The following KRTDAP variants were observed in gnomAD, a reference collection of about 807,000 sequenced individuals.
KRTDAP encodes keratinocyte differentiation associated protein.
Under a neutral mutation model 18.6 loss-of-function variants are expected in KRTDAP, and 14 were observed. That is an observed-to-expected ratio of 0.75 (90% confidence interval 0.50 to 1.18). The LOEUF (loss-of-function observed/expected upper bound fraction) is 1.18, where lower values mean the gene tolerates loss of function less well. KRTDAP is among the 50% of genes most tolerant of loss of function. The pLI is 0.00. For synonymous variants in KRTDAP, 53 were observed against 49.5 expected, an observed-to-expected ratio of 1.07 and a Z score of -0.29; for missense variants, 114 against 121.3, an observed-to-expected ratio of 0.94 and a Z score of 0.28.
At chr19:35,487,605 G>A in intron 5 of KRTDAP, 107 bp downstream of exon 5, 1 of 1,177,114 alleles carries the variant, frequency 8.5e-7, no homozygotes, top group Non-Finnish European at 1.3e-6. Flanking sequence ...CCTTCAGTTT[G>A]GTGAGAAGGC....
In KRTDAP at chr19:35,487,432, T is replaced by G. The variant is rs1333411361; in HGVS notation, c.296A>C (p.Gln99Pro). The G allele has an allele frequency of 6.2e-7, 1 of 1,614,116 alleles. No individual in the cohort carries two copies. Among genetic ancestry groups the G allele is most frequent in the Admixed American group, 1.7e-5 (1 of 60,016 alleles). The change falls in exon 6 of 6, where the codon CAG becomes CCG. Residue 99 changes from glutamine (Q) to proline (P), a missense_variant. Physicochemically the swap from Gln to Pro is moderately conservative, Grantham distance 76 (BLOSUM62 -1). Coordinates refer to ENST00000338897, the MANE Select transcript of KRTDAP (RefSeq NM_207392.3). Reference protein sequence around the residue: ...KGLRSATPDAQ With the variant: ...KGLRSATPDAP The stretch of plus-strand genomic sequence containing the variant: ...CTCTTCCAGTGGAGGTCATGGTCAC[T>G]GGGCATCAGGAGTTGCGCTCCTCAG...
rs2067503071 is a variant in KRTDAP, at chr19:35,488,315, A to G, written c.213+126T>C. On this transcript the variant is annotated intron_variant, in intron 4 of 5. Coordinates refer to ENST00000338897, the MANE Select transcript of KRTDAP (RefSeq NM_207392.3). ...GTTGACAGCCCATTGGGCAGCATCC[A>G]GGCAGGACAGTCACTCCCTCCCAGA... 4.1e-6 allele frequency: 4 copies of G among 966,298 alleles called. No individual in the cohort carries two copies. In the East Asian group the frequency reaches 1.0e-4, roughly 25 times the overall value. The allele number at this position is 966,298 out of a possible 1,614,324, so 59.9% of individuals were successfully genotyped here. A position where few individuals can be genotyped will look rare whatever the true frequency, so the allele number is the denominator to read the frequency against.
At chr19:35,488,632 G>A (rs2067505284) in intron 3 of KRTDAP, 30 bp downstream of exon 3, 9 of 1,613,980 alleles carry the variant, frequency 5.6e-6, no homozygotes, top group South Asian at 3.3e-5. Flanking sequence ...GAGGGTATTC[G>A]TGGGGGTAGC....
intron 1 of KRTDAP, among the ~76,000 whole-genome samples, chr19:35,489,996 T>C (rs1287974088): frequency 6.6e-6 from 1 of 152,126 alleles, no homozygotes; most frequent in Non-Finnish European, 1.5e-5. Flanking sequence ...CGTTCTCCAG[T>C]TCCCCCTCTT....
At chr19:35,490,228 C>T in intron 1 of KRTDAP, 128 bp downstream of exon 1, 1 of 566,828 alleles carries the variant, frequency 1.8e-6, no homozygotes, top group South Asian at 2.9e-5. Context: ...CCTCAGAGCC[C>T]CAGTTTCTTC....
intron 2 of KRTDAP, 43 bp downstream of exon 2, chr19:35,488,759 G>A: frequency 1.2e-6 from 2 of 1,613,888 alleles, no homozygotes; most frequent in Non-Finnish European, 8.5e-7. Context: ...AGAGAGAGAG[G>A]ACAGACTCGT....
intron 1 of KRTDAP, among the ~76,000 whole-genome samples, chr19:35,489,398 T>G (rs2067510236): frequency 6.6e-6 from 1 of 152,242 alleles, no homozygotes; most frequent in Non-Finnish European, 1.5e-5. Context: ...GCAGGCTGGA[T>G]CCAGATGCTT....
At chr19:35,490,225 G>T in intron 1 of KRTDAP, 131 bp downstream of exon 1, 1 of 559,976 alleles carries the variant, frequency 1.8e-6, no homozygotes, top group Non-Finnish European at 3.2e-6. Context: ...CTTCCTCAGA[G>T]CCCCAGTTTC....
At chr19:35,490,001 C>T (rs549569537) in intron 1 of KRTDAP, among the ~76,000 whole-genome samples, 12 of 152,246 alleles carry the variant, frequency 7.9e-5, no homozygotes, top group African/African-American at 2.9e-4. Context: ...TCCAGTTCCC[C>T]CTCTTCCCCT....
rs1350151857 is a variant in KRTDAP, at chr19:35,490,390, T to C, written c.53A>G (p.His18Arg). The C allele has an allele frequency of 1.2e-6, 2 of 1,612,950 alleles. No individual in the cohort carries two copies. Among genetic ancestry groups the C allele is most frequent in the African/African-American group, 1.3e-5 (1 of 74,718 alleles). ...AVVLLSLLVLHSAQGATLGGP... is the reference protein window; with the variant it reads ...AVVLLSLLVLRSAQGATLGGP... ...ACCCAGGGTGGCTCCCTGGGCAGAG[T>C]GGAGCACCAGGAGGGAGAGGAGCAC... Residue 18 changes from histidine (H) to arginine (R), a missense_variant, in exon 1 of 6, where the codon CAC becomes CGC. His to Arg is a conservative substitution (Grantham distance 29). Coordinates refer to ENST00000338897, the MANE Select transcript of KRTDAP (RefSeq NM_207392.3).
intron 1 of KRTDAP, 65 bp from the exon 2 acceptor site, chr19:35,488,905 C>A: frequency 6.8e-7 from 1 of 1,480,174 alleles, no homozygotes; most frequent in Non-Finnish European, 9.4e-7. Context: ...TGCCCACATC[C>A]CTGTCTGCCA....
intron 1 of KRTDAP, among the ~76,000 whole-genome samples, chr19:35,490,099 C>T (rs1267179708): frequency 1.3e-5 from 2 of 152,080 alleles, no homozygotes; most frequent in African/African-American, 4.8e-5. Flanking sequence ...CCCAGACCAC[C>T]CACTCAGTCC....
rs1442882903 is a variant in KRTDAP at position 35,488,644 on chromosome 19, C to A, written c.168+18G>T. ...GATGAGGGTATTCGTGGGGGTAGCA[C>A]CAGAGAAGCGTACTCACAGATCGCA... On this transcript the variant is annotated intron_variant, in intron 3 of 5. Coordinates refer to ENST00000338897, the MANE Select transcript of KRTDAP (RefSeq NM_207392.3). 1.1e-5 allele frequency: 17 copies of A among 1,614,034 alleles called. No individual in the cohort carries two copies. Among genetic ancestry groups the A allele is most frequent in the Non-Finnish European group, 1.4e-5 (16 of 1,179,998 alleles).
chr19:35,488,852 G>C lies in KRTDAP; in HGVS notation c.88-12C>G, dbSNP rs772419343. The stretch of plus-strand genomic sequence containing the variant: ...ATGGTGCTTTCTTCCTGGAAAAGGA[G>C]AGGGAGAAAAGGCGGCAGGGGGTCA... On this transcript the variant is annotated splice_polypyrimidine_tract_variant and intron_variant, in intron 1 of 5. Coordinates refer to ENST00000338897, the MANE Select transcript of KRTDAP (RefSeq NM_207392.3). 6.2e-6 allele frequency: 10 copies of C among 1,613,730 alleles called. No homozygotes were observed. The highest frequency in any genetic ancestry group is 8.5e-6 in the Non-Finnish European group (10 of 1,179,964).
intron 1 of KRTDAP, among the ~76,000 whole-genome samples, chr19:35,490,114 G>A (rs1008345669): frequency 2.6e-5 from 4 of 152,042 alleles, no homozygotes; most frequent in African/African-American, 9.7e-5. Flanking sequence ...CAGTCCCAAG[G>A]TTCAGTACAC....
Sources: allele counts gnomAD v4.1 joint callset (sites outside exome capture counted in the v4.1 genomes callset), GRCh38; gene constraint gnomAD v4.1.1; transcripts MANE v1.5; gene names NCBI Gene and HGNC (gene_info 2026-07-23, HGNC 2026-07-21).